Variants in BNC2 observed in about 807,000 individuals in gnomAD.
BNC2 encodes the protein basonuclin zinc finger protein 2, also known as zinc finger protein basonuclin-2.
A neutral mutation model predicts 76.3 loss-of-function variants in BNC2; 20 were observed. The ratio of observed to expected loss-of-function variants is 0.26; its 90% CI spans 0.18 to 0.38. BNC2 has a LOEUF of 0.38. BNC2 is among the 10% of genes least tolerant of loss of function. The pLI is 1.00. For synonymous variants in BNC2, 582 were observed against 514.8 expected (o/e 1.13, Z -1.77); for missense variants, 1,382 against 1,399.8 (o/e 0.99, Z 0.20).
chr9:16,483,534 T>C (rs1460317476), intron 5 of BNC2, among the ~76,000 whole-genome samples: 1 of 152,066 alleles, frequency 6.6e-6, no homozygotes, highest in African/African-American at 2.4e-5. Context: ...GTATACAGAG[T>C]GGTATACACA....
chr9:16,624,822 A>G (rs1159120101), intron 3 of BNC2, among the ~76,000 whole-genome samples: 1 of 152,214 alleles, frequency 6.6e-6, no homozygotes, highest in African/African-American at 2.4e-5. Context: ...TTAAAGAATG[A>G]TCTTTATGTG....
chr9:16,412,736 AGAGAGAGAGAGAGAGAGAGAGAGAG>A lies in BNC2; in HGVS notation c.*6228_*6252del, dbSNP rs1820494242. ...AGAGAGAGGGGAGAGAGAGAGAGAG[AGAGAGAGAGAGAGAGAGAGAGAGAG>A]AGAGACTGACTGATTGTGGATGTGT... is the stretch of plus-strand genomic sequence containing the variant. On this transcript the variant is annotated 3_prime_UTR_variant, in exon 7 of 7. Coordinates refer to ENST00000380672, the MANE Select transcript of BNC2 (RefSeq NM_017637.6). The A allele has an allele frequency of 3.7e-5, 4 of 109,248 alleles. No homozygotes were observed. Among genetic ancestry groups the A allele is most frequent in the Non-Finnish European group, 6.9e-5 (4 of 58,144 alleles). The allele number at this position is 109,248 out of a possible 1,614,324, so 6.8% of individuals were successfully genotyped here. A position where few individuals can be genotyped will look rare whatever the true frequency, so the allele number is the denominator to read the frequency against.
chr9:16,458,472 T>C (rs1322278956), intron 5 of BNC2, among the ~76,000 whole-genome samples: 1 of 152,240 alleles, frequency 6.6e-6, no homozygotes, highest in Non-Finnish European at 1.5e-5. Flanking sequence ...ATCTTCATTG[T>C]TGTCTGAAAC....
intron 5 of BNC2, among the ~76,000 whole-genome samples, chr9:16,523,803 G>A (rs1817703993): frequency 6.6e-6 from 1 of 152,026 alleles, no homozygotes; most frequent in Admixed American, 6.5e-5. Flanking sequence ...GCAGACGCCT[G>A]TAATCCCAGC....
chr9:16,680,386 ACTC>A (rs919729878), intron 3 of BNC2, among the ~76,000 whole-genome samples: 3 of 152,038 alleles, frequency 2.0e-5, no homozygotes, highest in African/African-American at 4.8e-5. Flanking sequence ...TAATAATTAT[ACTC>A]CTCATTTAAA....
intron 5 of BNC2, among the ~76,000 whole-genome samples, chr9:16,446,811 A>G (rs1587036964): frequency 6.6e-6 from 1 of 151,926 alleles, no homozygotes; most frequent in East Asian, 1.9e-4. Flanking sequence ...GGTACAACAT[A>G]TTTAATCATA....
chr9:16,689,202 CT>C (rs1430313316), intron 3 of BNC2, among the ~76,000 whole-genome samples: 2 of 145,558 alleles, frequency 1.4e-5, no homozygotes, highest in Non-Finnish European at 3.0e-5. Context: ...AGGGACCAGA[CT>C]TCTGAAAAGA....
rs772100629 is a variant in BNC2, at chr9:16,708,556, T to C, written c.330+19241A>G. On this transcript the variant is annotated intron_variant, in intron 3 of 6. Coordinates refer to ENST00000380672, the MANE Select transcript of BNC2 (RefSeq NM_017637.6). Reference sequence around the variant, plus strand: ...CTCAGAGATGAGAAAGGACAAGATGTGTATGGACAAAAGAGAGAAGGAAGG... The same window carrying C: ...CTCAGAGATGAGAAAGGACAAGATGCGTATGGACAAAAGAGAGAAGGAAGG... 8.6e-4 allele frequency among the ~76,000 whole-genome samples: 130 copies of C among 151,754 alleles called. 1 individual carries two copies. The highest frequency in any genetic ancestry group is 9.0e-4 in the Non-Finnish European group (61 of 67,978).
intron 5 of BNC2, among the ~76,000 whole-genome samples, chr9:16,500,537 A>T (rs975414513): frequency 1.3e-5 from 2 of 152,210 alleles, no homozygotes; most frequent in African/African-American, 4.8e-5. Context: ...TATATAGCTC[A>T]TATATGACTA....
intron 3 of BNC2, among the ~76,000 whole-genome samples, chr9:16,662,213 T>C (rs1822129462): frequency 6.6e-6 from 1 of 152,204 alleles, no homozygotes; most frequent in Non-Finnish European, 1.5e-5. Context: ...CTCTAAATGG[T>C]AGATGATGTG....
chr9:16,547,743 C>T (rs1818531217), intron 5 of BNC2, among the ~76,000 whole-genome samples: 2 of 152,102 alleles, frequency 1.3e-5, no homozygotes, highest in African/African-American at 2.4e-5. Flanking sequence ...GCAAATAGCT[C>T]ATGTGGGAGA....
intron 1 of BNC2, among the ~76,000 whole-genome samples, chr9:16,865,820 T>C (rs1347739923): frequency 2.0e-5 from 3 of 152,154 alleles, no homozygotes; most frequent in Admixed American, 6.5e-5. Flanking sequence ...TTCTTACGCA[T>C]TGAGTTAGAA....
At chr9:16,657,518 T>C (rs377468888) in intron 3 of BNC2, among the ~76,000 whole-genome samples, 26 of 152,238 alleles carry the variant, frequency 1.7e-4, no homozygotes, top group African/African-American at 6.0e-4. Context: ...GAAACAAATT[T>C]TTTATGTCCT....
Position 16,419,550 on chromosome 9 carries a change from G to A in BNC2, c.2739C>T (p.Arg913=), listed in dbSNP as rs189895388. Residue 913 remains arginine, a synonymous_variant, in exon 7 of 7, where the codon CGC becomes CGT. Transcript: ENST00000380672. ...CATATATCTTCACCAAAAATTCATC[G>A]CGGAGGTCCTTGCTAAGGGAGGGCT... ...SSQPSLSKDL[R]DEFLVKIYGA... is the part of the protein sequence containing the mutation. 173 of 1,613,958 alleles carry A rather than the reference G, an allele frequency of 1.1e-4. 2 individuals carry two copies. In the Middle Eastern group the frequency reaches 1.6e-3, roughly 15 times the overall value.
chr9:16,477,980 C>A (rs60918910), intron 5 of BNC2, among the ~76,000 whole-genome samples: 2 of 152,016 alleles, frequency 1.3e-5, no homozygotes, highest in African/African-American at 2.4e-5. Context: ...AAGACTTGAG[C>A]GGGCCCCTGC....
intron 1 of BNC2, among the ~76,000 whole-genome samples, chr9:16,755,076 A>G (rs1040961049): frequency 6.6e-6 from 1 of 152,208 alleles, no homozygotes; most frequent in Non-Finnish European, 1.5e-5. Flanking sequence ...AACCTGACAC[A>G]TTCCAGACCA....
chr9:16,585,960 CAG>C (rs765313800), intron 3 of BNC2, among the ~76,000 whole-genome samples: 2 of 152,114 alleles, frequency 1.3e-5, no homozygotes, highest in Non-Finnish European at 2.9e-5. Context: ...AGAGTTCAGT[CAG>C]AGTGTTCCCA....
At chr9:16,429,909 AT>A (rs774901350) in intron 6 of BNC2, 1 of 509,794 alleles carries the variant, frequency 2.0e-6, no homozygotes, top group South Asian at 1.4e-5. Context: ...GCAGGAGGTC[AT>A]TAGGAAGATC....
chr9:16,693,379 T>A (rs1053518805), intron 3 of BNC2, among the ~76,000 whole-genome samples: 2 of 152,054 alleles, frequency 1.3e-5, no homozygotes, highest in Non-Finnish European at 2.9e-5. Context: ...ACAAGACCAA[T>A]AGTCTCGGTC....
Sources: gnomAD v4.1 joint callset for allele counts (sites outside exome capture counted in the v4.1 genomes callset) on GRCh38, gnomAD v4.1.1 for gene constraint, MANE v1.5 for transcripts, NCBI Gene and HGNC (gene_info 2026-07-23, HGNC 2026-07-21) for gene names.